Variants in KIFAP3 observed in about 807,000 individuals in gnomAD.
KIFAP3 encodes the protein kinesin-associated protein 3.
Under a neutral mutation model 106.5 loss-of-function variants are expected in KIFAP3, and 68 were observed. The observed-to-expected ratio is 0.64, with a 90% confidence interval of 0.53 to 0.78. KIFAP3 has a LOEUF of 0.78. Ranked by LOEUF, KIFAP3 falls within the 30% of genes least tolerant of loss-of-function variation. The pLI is 0.00. For missense variants in KIFAP3, 780 were observed against 941.8 expected, an observed-to-expected ratio of 0.83 and a Z score of 2.25; for synonymous variants, 320 against 311.5, an observed-to-expected ratio of 1.03 and a Z score of -0.29.
At chr1:169,943,096 T>A (rs1345675214) in intron 19 of KIFAP3, among the ~76,000 whole-genome samples, 1 of 152,156 alleles carries the variant, frequency 6.6e-6, no homozygotes, top group Non-Finnish European at 1.5e-5. Flanking sequence ...TAATAATTCA[T>A]CTACAATCTG....
At position 170,048,384 on chromosome 1, in the gene KIFAP3, A is replaced by T. The variant is rs544131734; in HGVS notation, c.165-1518T>A. The stretch of plus-strand genomic sequence containing the variant: ...GTTTTAGCTGCACATCAGAAGGCAT[A>T]GAGAGAAAGGTCAATACAGAGAAAA... On this transcript the variant is annotated intron_variant, in intron 2 of 19. Coordinates refer to ENST00000361580, the MANE Select transcript of KIFAP3 (RefSeq NM_014970.4). Among the ~76,000 whole-genome samples the T allele has an allele frequency of 7.9e-5, 12 of 151,668 alleles. No homozygotes were observed. In the East Asian group the frequency reaches 1.2e-3, roughly 15 times the overall value.
At chr1:170,083,167 T>C (rs1672047183) in intron 1 of KIFAP3, among the ~76,000 whole-genome samples, 1 of 152,064 alleles carries the variant, frequency 6.6e-6, no homozygotes, top group Non-Finnish European at 1.5e-5. Flanking sequence ...GACAAGCCAA[T>C]ATTTAAGACT....
intron 1 of KIFAP3, among the ~76,000 whole-genome samples, chr1:170,057,178 A>G (rs1188551463): frequency 2.6e-5 from 4 of 152,138 alleles, no homozygotes; most frequent in Non-Finnish European, 5.9e-5. Context: ...GAAAAGAGTA[A>G]GGATATATAA....
At chr1:170,032,983 G>A (rs1669490936) in intron 7 of KIFAP3, among the ~76,000 whole-genome samples, 1 of 151,674 alleles carries the variant, frequency 6.6e-6, no homozygotes, top group South Asian at 2.1e-4. Flanking sequence ...GCAAATTCAT[G>A]ATTGCTAAAG....
chr1:169,957,448 T>C (rs1665081086), intron 18 of KIFAP3, among the ~76,000 whole-genome samples: 1 of 152,186 alleles, frequency 6.6e-6, no homozygotes, highest in Non-Finnish European at 1.5e-5. Context: ...AGAACAGTGA[T>C]GAAACCAAAG....
At chr1:169,923,731 G>A (rs374010975) in intron 19 of KIFAP3, among the ~76,000 whole-genome samples, 1 of 152,300 alleles carries the variant, frequency 6.6e-6, no homozygotes, top group Non-Finnish European at 1.5e-5. Flanking sequence ...TCTCACAGAC[G>A]ACTTGTTAGC....
chr1:170,019,874 T>C (rs1668718838), intron 9 of KIFAP3, among the ~76,000 whole-genome samples: 1 of 152,136 alleles, frequency 6.6e-6, no homozygotes, highest in African/African-American at 2.4e-5. Flanking sequence ...TCATACAGAT[T>C]AGAAAGGAAG....
chr1:169,956,017 T>G (rs930396785), intron 18 of KIFAP3, among the ~76,000 whole-genome samples: 3 of 152,150 alleles, frequency 2.0e-5, no homozygotes, highest in Admixed American at 2.0e-4. Flanking sequence ...TAAAAATGGC[T>G]GGGATTTTGT....
At chr1:170,049,862 G>A (rs1393636971) in intron 2 of KIFAP3, among the ~76,000 whole-genome samples, 2 of 151,440 alleles carry the variant, frequency 1.3e-5, no homozygotes. Flanking sequence ...AAGATCAAAG[G>A]ATAAATCCAT....
intron 1 of KIFAP3, among the ~76,000 whole-genome samples, chr1:170,069,832 G>GC (rs1247468692): frequency 1.6e-5 from 1 of 61,862 alleles, no homozygotes; most frequent in African/African-American, 7.3e-5. Flanking sequence ...AATGAGGCAT[G>GC]GGAAAAAAAA....
chr1:170,043,687 T>C (rs190471575), intron 3 of KIFAP3, among the ~76,000 whole-genome samples: 117 of 151,974 alleles, frequency 7.7e-4, no homozygotes, highest in African/African-American at 2.7e-3. Context: ...TTAACAGTTA[T>C]CAAGAAATAT....
chr1:169,982,171 A>C, intron 14 of KIFAP3, 74 bp from the exon 15 acceptor site: 2 of 1,383,332 alleles, frequency 1.4e-6, no homozygotes, highest in Non-Finnish European at 2.0e-6. Flanking sequence ...TCAAAATGTA[A>C]ATACACAGAA....
intron 9 of KIFAP3, among the ~76,000 whole-genome samples, chr1:170,021,075 A>G (rs570017523): frequency 5.7e-4 from 87 of 152,310 alleles, no homozygotes; most frequent in African/African-American, 2.0e-3. Context: ...TGCAAAACAT[A>G]TAACTGATAA....
At chr1:170,043,683 G>A (rs1670095968) in intron 3 of KIFAP3, among the ~76,000 whole-genome samples, 1 of 152,148 alleles carries the variant, frequency 6.6e-6, no homozygotes, top group African/African-American at 2.4e-5. Flanking sequence ...AGTTTTAACA[G>A]TTATCAAGAA....
intron 1 of KIFAP3, 136 bp from the exon 2 acceptor site, chr1:170,055,572 G>C (rs1331743396): frequency 1.8e-6 from 1 of 562,088 alleles, no homozygotes; most frequent in Admixed American, 3.7e-5. Flanking sequence ...CTTGGGATTA[G>C]AGATAACTCT....
intron 11 of KIFAP3, among the ~76,000 whole-genome samples, chr1:169,990,984 A>G (rs1667068595): frequency 6.6e-6 from 1 of 152,132 alleles, no homozygotes; most frequent in Admixed American, 6.6e-5. Context: ...CATAAAATTA[A>G]AATAGTTATT....
intron 15 of KIFAP3, among the ~76,000 whole-genome samples, chr1:169,980,681 T>C (rs1016355409): frequency 1.3e-5 from 2 of 152,174 alleles, no homozygotes; most frequent in African/African-American, 4.8e-5. Context: ...TAAATTCGGA[T>C]CTAGAAGGGA....
chr1:169,944,786 C>A (rs1664339994), intron 19 of KIFAP3, among the ~76,000 whole-genome samples: 1 of 152,062 alleles, frequency 6.6e-6, no homozygotes, highest in Admixed American at 6.6e-5. Flanking sequence ...GCAGGTAATC[C>A]CCACGTCTGT....
At chr1:169,979,862 C>T (rs1034559040) in intron 15 of KIFAP3, among the ~76,000 whole-genome samples, 1 of 146,630 alleles carries the variant, frequency 6.8e-6, no homozygotes, top group Non-Finnish European at 1.5e-5. Context: ...CTCCCCCCCA[C>T]AAAAACCTAA....
Sources: allele counts gnomAD v4.1 joint callset (sites outside exome capture counted in the v4.1 genomes callset), GRCh38; gene constraint gnomAD v4.1.1; transcripts MANE v1.5; gene names NCBI Gene and HGNC (gene_info 2026-07-23, HGNC 2026-07-21).